Variants in FAM118B observed in about 807,000 individuals in gnomAD.
FAM118B encodes SIR2 antiphage like 1, also known as protein FAM118B.
Under a neutral mutation model 38.5 loss-of-function variants are expected in FAM118B, and 24 were observed. That is an observed-to-expected ratio of 0.62 (90% CI 0.45 to 0.88). FAM118B has a LOEUF of 0.88. Among genes scored for constraint, FAM118B ranks in the 40% least tolerant of loss-of-function variants. FAM118B has a pLI of 0.00. For missense variants in FAM118B, 334 were observed against 420.0 expected (o/e 0.80, Z 1.79); for synonymous variants, 138 against 156.3 (o/e 0.88, Z 0.87).
intron 1 of FAM118B, among the ~76,000 whole-genome samples, chr11:126,216,853 CTT>C (rs1239772181): frequency 6.6e-6 from 1 of 152,248 alleles, no homozygotes; most frequent in African/African-American, 2.4e-5. Context: ...TTACCATAGA[CTT>C]TGCAGATTTT....
chr11:126,244,735 A>G lies in FAM118B; in HGVS notation c.339+3691A>G, dbSNP rs642137. Among the ~76,000 whole-genome samples the G allele has an allele frequency of 0.82, 124,615 of 152,094 alleles. 51,325 individuals carry two copies. Among genetic ancestry groups the G allele is most frequent in the East Asian group, 1 (5,163 of 5,170 alleles). On this transcript the variant is annotated intron_variant, in intron 4 of 8. Coordinates refer to ENST00000533050, the MANE Select transcript of FAM118B (RefSeq NM_024556.4). The surrounding 1 kb of genome is among the most constrained non-coding windows in gnomAD (Gnocchi z 4.5). ...AGGAGAATCACTTGAACCTGGGAGC[A>G]GAGGTTGCAGCGAGCCAGGATCCCT... is the stretch of plus-strand genomic sequence containing the variant.
At chr11:126,258,666 C>T (rs1159016869) in intron 7 of FAM118B, among the ~76,000 whole-genome samples, 1 of 152,164 alleles carries the variant, frequency 6.6e-6, no homozygotes, top group Non-Finnish European at 1.5e-5. Context: ...TGTTGTTTGC[C>T]CACACTTGAG....
chr11:126,218,527 T>G (rs376198669), intron 1 of FAM118B, among the ~76,000 whole-genome samples: 8 of 151,162 alleles, frequency 5.3e-5, no homozygotes, highest in Non-Finnish European at 1.2e-4. Context: ...GCAGGGATTT[T>G]GGGTTTTTTT....
chr11:126,254,484 C>T, intron 6 of FAM118B, 51 bp downstream of exon 6: 1 of 1,606,232 alleles, frequency 6.2e-7, no homozygotes, highest in Non-Finnish European at 8.5e-7. Flanking sequence ...TGGGAAATCT[C>T]TCTAAATATG....
At chr11:126,243,828 C>T (rs537502809) in intron 4 of FAM118B, among the ~76,000 whole-genome samples, 10 of 150,762 alleles carry the variant, frequency 6.6e-5, no homozygotes, top group South Asian at 2.1e-4. Context: ...TGCTGGAACC[C>T]GGGAGGCAGG....
At chr11:126,258,199 G>A (rs773242148) in intron 7 of FAM118B, among the ~76,000 whole-genome samples, 1 of 152,062 alleles carries the variant, frequency 6.6e-6, no homozygotes, top group South Asian at 2.1e-4. Flanking sequence ...AGTTCAAGAT[G>A]AGTGTGAGCA....
intron 1 of FAM118B, among the ~76,000 whole-genome samples, chr11:126,227,664 A>G (rs139651958): frequency 1.2e-3 from 178 of 152,288 alleles, no homozygotes; most frequent in African/African-American, 3.9e-3. Flanking sequence ...TTTGCTATCA[A>G]TGGTTTTGGA....
At chr11:126,225,523 C>T (rs989862862) in intron 1 of FAM118B, among the ~76,000 whole-genome samples, 1 of 152,166 alleles carries the variant, frequency 6.6e-6, no homozygotes, top group African/African-American at 2.4e-5. Context: ...GTCATACTTG[C>T]CCACAGCTAA....
intron 2 of FAM118B, chr11:126,233,675 TGATTATGATATAAA>T (rs1210669808): frequency 2.2e-6 from 1 of 453,536 alleles, no homozygotes; most frequent in Non-Finnish European, 4.4e-6. Context: ...ATTTACCTTA[TGATTATGATATAAA>T]GAAGAATTAC....
chr11:126,221,549 T>C (rs992915882), intron 1 of FAM118B, among the ~76,000 whole-genome samples: 2 of 152,062 alleles, frequency 1.3e-5, no homozygotes, highest in South Asian at 2.1e-4. Context: ...CTTTCAATAT[T>C]GAAGGGCTGC....
rs678324 is a variant in FAM118B, at chr11:126,253,549, C to T, written c.568-756C>T. Among the ~76,000 whole-genome samples the T allele has an allele frequency of 0.21, 32,283 of 152,014 alleles. 4,482 individuals carry two copies. The highest frequency in any genetic ancestry group is 0.64 in the East Asian group (3,305 of 5,158). On this transcript the variant is annotated intron_variant, in intron 5 of 8. Coordinates refer to ENST00000533050, the MANE Select transcript of FAM118B (RefSeq NM_024556.4). The surrounding 1 kb of genome is among the most constrained non-coding windows in gnomAD (Gnocchi z 5.1). Reference sequence around the variant, plus strand: ...TATCTATTGCTGTACAAGTAATGGCCGTGAAACTTTGTGGCTTGTAACAAC... The same window carrying T: ...TATCTATTGCTGTACAAGTAATGGCTGTGAAACTTTGTGGCTTGTAACAAC...
At chr11:126,232,835 A>G (rs571531431) in intron 2 of FAM118B, among the ~76,000 whole-genome samples, 73 of 152,276 alleles carry the variant, frequency 4.8e-4, no homozygotes, top group South Asian at 1.9e-3. Flanking sequence ...TCACCATTCT[A>G]GAGCGTTGAC....
intron 2 of FAM118B, among the ~76,000 whole-genome samples, chr11:126,234,583 G>C (rs1223522580): frequency 6.6e-6 from 1 of 152,160 alleles, no homozygotes. Flanking sequence ...ATGGGTAATT[G>C]GGGGCTATTA....
chr11:126,259,425 CTT>C (rs397945854), intron 7 of FAM118B, among the ~76,000 whole-genome samples: 12 of 129,392 alleles, frequency 9.3e-5, no homozygotes, highest in Admixed American at 8.2e-5. Flanking sequence ...CGTTGTGGTA[CTT>C]TTTTTTTTTT....
At chr11:126,229,503 C>T (rs1478956545) in intron 2 of FAM118B, among the ~76,000 whole-genome samples, 2 of 152,098 alleles carry the variant, frequency 1.3e-5, no homozygotes, top group South Asian at 2.1e-4. Flanking sequence ...AGTGCAGTGG[C>T]GCCATCTCGG....
intron 7 of FAM118B, among the ~76,000 whole-genome samples, chr11:126,259,088 G>GT (rs1438448079): frequency 6.6e-6 from 1 of 152,206 alleles, no homozygotes; most frequent in East Asian, 1.9e-4. Context: ...GGTCAGCTGA[G>GT]TTTGTCATGT....
At chr11:126,251,973 C>CGTTTTGTTTTGTTTT (rs546709233) in intron 5 of FAM118B, among the ~76,000 whole-genome samples, 1 of 151,270 alleles carries the variant, frequency 6.6e-6, no homozygotes, top group Admixed American at 6.6e-5. Context: ...TGTGCCTGGC[C>CGTTTTGTTTTGTTTT]GTTTTGTTTT....
chr11:126,258,332 A>G (rs1950613446), intron 7 of FAM118B, among the ~76,000 whole-genome samples: 1 of 152,208 alleles, frequency 6.6e-6, no homozygotes, highest in Non-Finnish European at 1.5e-5. Flanking sequence ...GTCTGCAGTG[A>G]GCTATGATTG....
intron 1 of FAM118B, among the ~76,000 whole-genome samples, chr11:126,226,860 C>T (rs1028964176): frequency 6.6e-6 from 1 of 151,152 alleles, no homozygotes; most frequent in Non-Finnish European, 1.5e-5. Flanking sequence ...GTAGTCCCAG[C>T]TACCCGAGAG....
Sources: gnomAD v4.1 joint callset for allele counts (sites outside exome capture counted in the v4.1 genomes callset) on GRCh38, gnomAD v4.1.1 for gene constraint, Gnocchi (gnomAD v3.1) non-coding constraint, MANE v1.5 for transcripts, NCBI Gene and HGNC (gene_info 2026-07-23, HGNC 2026-07-21) for gene names.